The following CNTNAP5 variants were observed in gnomAD, a reference collection of about 807,000 sequenced individuals.
CNTNAP5 encodes contactin-associated protein-like 5.
CNTNAP5 carries 72 observed loss-of-function variants against 150.2 expected under a neutral mutation model. That is an observed-to-expected ratio of 0.48 (90% CI 0.40 to 0.58). CNTNAP5 has a LOEUF of 0.58. CNTNAP5 is among the 20% of genes least tolerant of loss of function. The pLI is 0.00. For missense variants in CNTNAP5, 1,636 were observed against 1,626.2 expected, an observed-to-expected ratio of 1.01 and a Z score of -0.10; for synonymous variants, 672 against 619.8, an observed-to-expected ratio of 1.08 and a Z score of -1.25.
rs187330198 is a variant in CNTNAP5, at chr2:124,045,318, A to G, written c.82+19586A>G. ...CTTTTTTTTTTTTTTTTAAATTTTG[A>G]GATGGAATCTAGCTCTGTCACACAG... On this transcript the variant is annotated intron_variant, in intron 1 of 23. Coordinates refer to ENST00000682447, the MANE Select transcript of CNTNAP5 (RefSeq NM_001367498.1). Among the ~76,000 whole-genome samples the G allele has an allele frequency of 3.1e-4, 40 of 129,116 alleles. No individual in the cohort carries two copies. In the East Asian group the frequency reaches 7.7e-3, roughly 25 times the overall value. The allele number at this position is 129,116 out of a possible 152,430, so 84.7% of individuals were successfully genotyped here. A position where few individuals can be genotyped will look rare whatever the true frequency, so the allele number is the denominator to read the frequency against.
chr2:124,706,854 A>C (rs1397881264), intron 13 of CNTNAP5, among the ~76,000 whole-genome samples: 2 of 123,324 alleles, frequency 1.6e-5, no homozygotes, highest in East Asian at 5.0e-4. Flanking sequence ...AAGGAGGAGG[A>C]GGAGAAGGAG....
intron 11 of CNTNAP5, among the ~76,000 whole-genome samples, chr2:124,588,936 G>A (rs1224762720): frequency 6.6e-6 from 1 of 152,060 alleles, no homozygotes; most frequent in East Asian, 1.9e-4. Context: ...GCAGACACCA[G>A]GCTCTGGTGC....
rs181122161 is a variant in CNTNAP5, at chr2:124,836,811, C to G, written c.3218-28495C>G. On this transcript the variant is annotated intron_variant, in intron 19 of 23. Coordinates refer to ENST00000682447, the MANE Select transcript of CNTNAP5 (RefSeq NM_001367498.1). ...TTGCCCAGAGAGGTCATAATCCCCA[C>G]TGAACAGTGATTAATTATACACATA... Among the ~76,000 whole-genome samples the G allele has an allele frequency of 2.2e-3, 339 of 152,232 alleles. 2 individuals are homozygous for G. The highest frequency in any genetic ancestry group is 7.8e-3 in the African/African-American group (322 of 41,542).
intron 3 of CNTNAP5, among the ~76,000 whole-genome samples, chr2:124,297,413 T>A (rs556619851): frequency 1.3e-5 from 2 of 152,206 alleles, no homozygotes; most frequent in Non-Finnish European, 2.9e-5. Context: ...ATCTTTACAC[T>A]GAATTGCTTT....
chr2:124,262,435 G>A (rs372265998), intron 3 of CNTNAP5, among the ~76,000 whole-genome samples: 7 of 152,214 alleles, frequency 4.6e-5, no homozygotes, highest in South Asian at 4.1e-4. Context: ...TATGACAAGC[G>A]TCATCTTTGC....
intron 1 of CNTNAP5, among the ~76,000 whole-genome samples, chr2:124,118,441 T>C (rs142381697): frequency 6.6e-6 from 1 of 152,246 alleles, no homozygotes; most frequent in African/African-American, 2.4e-5. Flanking sequence ...GAAGGGATAG[T>C]AAAGAGGATT....
At chr2:124,037,344 G>T (rs1681253114) in intron 1 of CNTNAP5, among the ~76,000 whole-genome samples, 1 of 152,130 alleles carries the variant, frequency 6.6e-6, no homozygotes, top group East Asian at 1.9e-4. Flanking sequence ...TGCAGCCCTA[G>T]AATTTGTTTC....
At chr2:124,485,554 A>C (rs570847021) in intron 7 of CNTNAP5, among the ~76,000 whole-genome samples, 43 of 143,574 alleles carry the variant, frequency 3.0e-4, no homozygotes, top group African/African-American at 1.0e-3. Flanking sequence ...CGGAGCTTGC[A>C]GTGAGCCGAG....
intron 1 of CNTNAP5, among the ~76,000 whole-genome samples, chr2:124,209,542 C>T (rs975068349): frequency 2.6e-5 from 4 of 152,322 alleles, no homozygotes; most frequent in Non-Finnish European, 5.9e-5. Flanking sequence ...GTTGCCCACA[C>T]ATTTTCCATT....
chr2:124,514,873 T>C (rs954352020), intron 8 of CNTNAP5, among the ~76,000 whole-genome samples: 1 of 152,180 alleles, frequency 6.6e-6, no homozygotes, highest in East Asian at 1.9e-4. Flanking sequence ...AGAGTTTTGG[T>C]CAGGGACCCC....
At chr2:124,492,637 A>T (rs1458238161) in intron 7 of CNTNAP5, among the ~76,000 whole-genome samples, 2 of 152,172 alleles carry the variant, frequency 1.3e-5, no homozygotes, top group Non-Finnish European at 2.9e-5. Context: ...TTTGATAGGG[A>T]TTATATTAAA....
At chr2:124,240,012 CT>C (rs11299280) in intron 2 of CNTNAP5, among the ~76,000 whole-genome samples, 27,969 of 151,906 alleles carry the variant, frequency 0.18, 2,799 homozygotes, top group Non-Finnish European at 0.23. Flanking sequence ...GTTTTTTTTC[CT>C]GTTGAAGAAT....
chr2:124,403,081 T>A (rs879503857), intron 3 of CNTNAP5, among the ~76,000 whole-genome samples: 2 of 152,236 alleles, frequency 1.3e-5, no homozygotes, highest in Non-Finnish European at 2.9e-5. Flanking sequence ...CAATCATTTC[T>A]AATTACCTCT....
intron 19 of CNTNAP5, among the ~76,000 whole-genome samples, chr2:124,805,066 C>T (rs1682053287): frequency 1.3e-5 from 2 of 152,086 alleles, no homozygotes; most frequent in Non-Finnish European, 1.5e-5. Context: ...ATGAAATACT[C>T]CTCTTTGTAA....
chr2:124,580,330 A>G (rs1460566204), intron 11 of CNTNAP5, among the ~76,000 whole-genome samples: 2 of 146,748 alleles, frequency 1.4e-5, no homozygotes, highest in East Asian at 3.8e-4. Flanking sequence ...TAACCTAAAC[A>G]GAGTTGTAAA....
At chr2:124,645,771 G>C (rs1253246457) in intron 12 of CNTNAP5, among the ~76,000 whole-genome samples, 3 of 152,168 alleles carry the variant, frequency 2.0e-5, no homozygotes, top group Non-Finnish European at 4.4e-5. Context: ...TTGATTAATT[G>C]GCTCATGGTT....
intron 19 of CNTNAP5, among the ~76,000 whole-genome samples, chr2:124,818,312 G>T (rs141667286): frequency 6.6e-6 from 1 of 152,276 alleles, no homozygotes; most frequent in East Asian, 1.9e-4. Context: ...TTGAGGCCAA[G>T]AGTTCAAGAC....
At chr2:124,849,345 G>A (rs936676876) in intron 19 of CNTNAP5, among the ~76,000 whole-genome samples, 9 of 151,976 alleles carry the variant, frequency 5.9e-5, no homozygotes, top group African/African-American at 2.2e-4. Flanking sequence ...TGTCTGTTTT[G>A]ATGCCAGTAC....
intron 21 of CNTNAP5, among the ~76,000 whole-genome samples, chr2:124,872,770 T>C (rs1387285252): frequency 6.6e-6 from 1 of 151,772 alleles, no homozygotes; most frequent in Non-Finnish European, 1.5e-5. Flanking sequence ...CTCTGTGTAA[T>C]GGAAGTTCCA....
Sources: gnomAD v4.1 joint callset for allele counts (sites outside exome capture counted in the v4.1 genomes callset) on GRCh38, gnomAD v4.1.1 for gene constraint, MANE v1.5 for transcripts, NCBI Gene and HGNC (gene_info 2026-07-23, HGNC 2026-07-21) for gene names.